The following ZSCAN5A variants were observed in gnomAD, a reference collection of about 807,000 sequenced individuals.
ZSCAN5A encodes zinc finger and SCAN domain containing 5A.
A neutral mutation model predicts 23.7 loss-of-function variants in ZSCAN5A; 12 were observed. The ratio of observed to expected loss-of-function variants is 0.51; its 90% CI spans 0.32 to 0.82. ZSCAN5A has a LOEUF of 0.82. Ranked by LOEUF, ZSCAN5A falls within the 40% of genes least tolerant of loss-of-function variation. The probability of loss-of-function intolerance (pLI) is 0.03; values close to 1 mark genes in which losing one functional copy is unlikely to be tolerated. For missense variants in ZSCAN5A, 597 were observed against 617.9 expected, an observed-to-expected ratio of 0.97 and a Z score of 0.36; for synonymous variants, 257 against 239.9, an observed-to-expected ratio of 1.07 and a Z score of -0.66.
In ZSCAN5A at chr19:56,329,009, A is replaced by T. The variant is rs200196324; in HGVS notation, c.-357-12741T>A. Among the ~76,000 whole-genome samples, 204 of 146,446 alleles carry T rather than the reference A, an allele frequency of 1.4e-3. 1 individual carries two copies. The East Asian group carries it at 0.024, about 17-fold the overall frequency. On this transcript the variant is annotated intron_variant, in intron 2 of 6. Coordinates refer to the ZSCAN5A transcript ENST00000587340. ...GACTCCGTCTCAAAAAAAAAAAAAA[A>T]TAAATAAATAAATAAATAAAAGAAA...
intron 2 of ZSCAN5A, chr19:56,299,701 C>T (rs1398691150): frequency 6.6e-6 from 1 of 152,192 alleles, no homozygotes; most frequent in African/African-American, 2.4e-5. Context: ...CTCTAGATTA[C>T]TTATAATACA....
intron 2 of ZSCAN5A, among the ~76,000 whole-genome samples, chr19:56,337,932 G>A (rs1447661101): frequency 6.6e-6 from 1 of 152,110 alleles, no homozygotes; most frequent in Admixed American, 6.5e-5. Context: ...GCTATTTCGT[G>A]GCTTTTTAAT....
chr19:56,351,840 T>G lies in ZSCAN5A; in HGVS notation c.-358+11395A>C, dbSNP rs369252788. Among the ~76,000 whole-genome samples the G allele has an allele frequency of 1.3e-5, 2 of 152,162 alleles. No individual in the cohort carries two copies. Among genetic ancestry groups the G allele is most frequent in the South Asian group, 4.1e-4 (2 of 4,822 alleles). On this transcript the variant is annotated intron_variant, in intron 2 of 6. Coordinates refer to the ZSCAN5A transcript ENST00000587340. The surrounding 1 kb of genome is among the most constrained non-coding windows in gnomAD (Gnocchi z 4.8). ...GCAGCGAATACGAACCTGGGAAGAC[T>G]GTGGTGTTTCTTTAGATGGCTGGTG... is the stretch of plus-strand genomic sequence containing the variant.
intron 2 of ZSCAN5A, among the ~76,000 whole-genome samples, chr19:56,248,286 G>A (rs1230849488): frequency 6.6e-6 from 1 of 150,742 alleles, no homozygotes; most frequent in East Asian, 2.0e-4. Context: ...TTTGAGATGG[G>A]GCCTCACTCT....
intron 2 of ZSCAN5A, among the ~76,000 whole-genome samples, chr19:56,239,640 C>G (rs1249533595): frequency 6.6e-6 from 1 of 152,000 alleles, no homozygotes; most frequent in Non-Finnish European, 1.5e-5. Context: ...CAAAGCTTTT[C>G]CATGTGAATT....
Position 56,269,144 on chromosome 19 carries a change from G to C in ZSCAN5A, c.-127-43971C>G, listed in dbSNP as rs551509322. On this transcript the variant is annotated intron_variant, in intron 2 of 5. Coordinates refer to ENST00000683990, the MANE Select transcript of ZSCAN5A (RefSeq NM_001322064.3). ...TTCCGTGCTTTCGGGTACATACCTAGGAGTGGACTTTCAGGGTTATACGGT... is the reference window on the plus strand; with the variant it reads ...TTCCGTGCTTTCGGGTACATACCTACGAGTGGACTTTCAGGGTTATACGGT... Among the ~76,000 whole-genome samples, 186 of 152,208 alleles carry C rather than the reference G, an allele frequency of 1.2e-3. 1 individual carries two copies. The highest frequency in any genetic ancestry group is 4.3e-3 in the African/African-American group (178 of 41,528).
Position 56,329,004 on chromosome 19 carries a change from A to AT in ZSCAN5A, c.-357-12737_-357-12736insA, listed in dbSNP as rs1189288118. Among the ~76,000 whole-genome samples, 115 of 150,538 alleles carry AT rather than the reference A, an allele frequency of 7.6e-4. No individual in the cohort carries two copies. In the East Asian group the frequency reaches 0.01, roughly 14 times the overall value. On this transcript the variant is annotated intron_variant, in intron 2 of 6. Coordinates refer to the ZSCAN5A transcript ENST00000587340. The stretch of plus-strand genomic sequence containing the variant: ...AGCGAGACTCCGTCTCAAAAAAAAA[A>AT]AAAAATAAATAAATAAATAAATAAA...
upstream of ZSCAN5A, chr19:56,319,667 A>G: frequency 5.3e-6 from 3 of 570,674 alleles, no homozygotes; most frequent in Non-Finnish European, 9.4e-6. Flanking sequence ...AAAAGAAGAA[A>G]AGTGTGCTTT....
intron 2 of ZSCAN5A, chr19:56,266,309 C>G (rs1057507099): frequency 2.6e-5 from 4 of 152,242 alleles, no homozygotes; most frequent in African/African-American, 9.6e-5. Context: ...AAAGCTCCCG[C>G]TCTTTCTGCC....
intron 2 of ZSCAN5A, among the ~76,000 whole-genome samples, chr19:56,247,964 A>G (rs1226642961): frequency 6.6e-6 from 1 of 152,172 alleles, no homozygotes; most frequent in Non-Finnish European, 1.5e-5. Context: ...TGCTGGGATT[A>G]CAGGCGTGAG....
At chr19:56,281,029 G>C (rs1366666297) in intron 2 of ZSCAN5A, among the ~76,000 whole-genome samples, 1 of 152,164 alleles carries the variant, frequency 6.6e-6, no homozygotes, top group African/African-American at 2.4e-5. Flanking sequence ...CTGTTGACCA[G>C]AAGACTTACT....
intron 1 of ZSCAN5A, chr19:56,366,049 G>A (rs1304260922): frequency 1.3e-5 from 2 of 152,120 alleles, no homozygotes; most frequent in African/African-American, 4.8e-5. Flanking sequence ...ACCGTCTTGG[G>A]GTTTTATCAG....
chr19:56,327,476 ATAT>A (rs1180327850), intron 2 of ZSCAN5A, among the ~76,000 whole-genome samples: 2 of 150,514 alleles, frequency 1.3e-5, no homozygotes, highest in Non-Finnish European at 1.5e-5. Flanking sequence ...CTATGTTTAT[ATAT>A]TATGTTTTAT....
chr19:56,231,435 C>G (rs537252712), intron 2 of ZSCAN5A, among the ~76,000 whole-genome samples: 1 of 152,216 alleles, frequency 6.6e-6, no homozygotes, highest in South Asian at 2.1e-4. Flanking sequence ...GAATGCGTGA[C>G]CAACCACCAT....
intron 2 of ZSCAN5A, among the ~76,000 whole-genome samples, chr19:56,302,512 TCCTTCCTC>T (rs913380526): frequency 3.3e-5 from 1 of 30,150 alleles, no homozygotes; most frequent in Non-Finnish European, 7.8e-5. Context: ...TGCCCTTCTT[TCCTTCCTC>T]CCTCCCTCCC....
At chr19:56,321,278 C>G (rs973295535) in intron 2 of ZSCAN5A, 2 of 664,516 alleles carry the variant, frequency 3.0e-6, no homozygotes, top group Non-Finnish European at 5.6e-6. Context: ...TCATCTTTTG[C>G]CAGGGTAAGA....
chr19:56,284,964 A>C (rs1353087225), intron 2 of ZSCAN5A: 1 of 979,322 alleles, frequency 1.0e-6, no homozygotes, highest in Non-Finnish European at 1.2e-6. Flanking sequence ...TTTCTGCTGC[A>C]TTTGCACATC....
At chr19:56,265,119 C>T (rs1423767380) in intron 2 of ZSCAN5A, among the ~76,000 whole-genome samples, 3 of 151,804 alleles carry the variant, frequency 2.0e-5, no homozygotes, top group Non-Finnish European at 4.4e-5. Context: ...GAGACTCCAT[C>T]TCAAAAATAA....
chr19:56,258,436 TGGGTGTTGACAGACACACCTTCCAGTGTG>T (rs1222495580), intron 2 of ZSCAN5A, among the ~76,000 whole-genome samples: 127 of 140,728 alleles, frequency 9.0e-4, no homozygotes, highest in African/African-American at 3.6e-3. Context: ...CCTTCCAGTG[TGGGTGTTGACAGACACACCTTCCAGTGTG>T]GGGGGTGACA....
Sources: allele counts gnomAD v4.1 joint callset (sites outside exome capture counted in the v4.1 genomes callset), GRCh38; gene constraint gnomAD v4.1.1; non-coding constraint Gnocchi (gnomAD v3.1); transcripts MANE v1.5; gene names NCBI Gene and HGNC (gene_info 2026-07-23, HGNC 2026-07-21).